ARHGEF10: variants seen among roughly 807,000 people sequenced by gnomAD.
ARHGEF10 encodes Rho guanine nucleotide exchange factor (GEF) 10.
In ARHGEF10, 140 loss-of-function variants were observed where a neutral mutation model predicts 147.4. That is an observed-to-expected ratio of 0.95 (90% CI 0.83 to 1.09). The LOEUF (loss-of-function observed/expected upper bound fraction) is 1.09, where lower values mean the gene tolerates loss of function less well. Among genes scored for constraint, ARHGEF10 ranks in the 50% least tolerant of loss-of-function variants. The pLI, the probability that ARHGEF10 is intolerant of heterozygous loss-of-function variation, is 0.00. For synonymous variants in ARHGEF10, 902 were observed against 695.8 expected (o/e 1.30, Z -4.67); for missense variants, 2,222 against 1,752.7 (o/e 1.27, Z -4.78).
Position 1,859,880 on chromosome 8 carries a change from C to T in ARHGEF10, c.194-17C>T, listed in dbSNP as rs778907303. 2.5e-6 allele frequency: 4 copies of T among 1,613,732 alleles called. No homozygotes were observed. In the African/African-American group the frequency reaches 4.0e-5, roughly 16 times the overall value. On this transcript the variant is annotated splice_polypyrimidine_tract_variant and intron_variant, in intron 3 of 28. Transcript: ENST00000349830. ...CTTGGTGATGTGTCTGCTGACAAGTCCTTTCTGCATCCCCAGGAGGTGAGG... is the reference window on the plus strand; with the variant it reads ...CTTGGTGATGTGTCTGCTGACAAGTTCTTTCTGCATCCCCAGGAGGTGAGG...
At chr8:1,941,736 C>G (rs531292958) in intron 26 of ARHGEF10, among the ~76,000 whole-genome samples, 2 of 152,232 alleles carry the variant, frequency 1.3e-5, no homozygotes, top group African/African-American at 2.4e-5. Flanking sequence ...GTAAGCAAGA[C>G]AGCATGGTGC....
intron 2 of ARHGEF10, among the ~76,000 whole-genome samples, chr8:1,847,412 C>G (rs987852006): frequency 6.6e-6 from 1 of 152,180 alleles, no homozygotes; most frequent in Non-Finnish European, 1.5e-5. Context: ...CAGCTAAAGC[C>G]TTTCTCTAAT....
rs552130198 is a variant in ARHGEF10, at chr8:1,937,266, G to A, written c.3222+3324G>A. Among the ~76,000 whole-genome samples the A allele has an allele frequency of 3.3e-5, 5 of 152,272 alleles. No homozygotes were observed. The South Asian group carries it at 6.2e-4, about 19-fold the overall frequency. ...TGGGGAGCCAGGGATTAGCTAGTGC[G>A]GCCATGCAGGGTAGCCCCGTGGATG... On this transcript the variant is annotated intron_variant, in intron 26 of 28. Transcript: ENST00000349830. This position sits in a 1 kb window ranked among gnomAD's most constrained non-coding sequence, Gnocchi z 4.9.
At chr8:1,867,513 C>G (rs907608897) in intron 6 of ARHGEF10, among the ~76,000 whole-genome samples, 5 of 152,256 alleles carry the variant, frequency 3.3e-5, no homozygotes, top group East Asian at 1.9e-4. Context: ...AGGATTATGT[C>G]CCGTCTCTGT....
chr8:1,889,234 G>GATACTTAGTGGTGTGAGGGTTGT (rs1809158352), intron 11 of ARHGEF10, among the ~76,000 whole-genome samples: 1 of 116,142 alleles, frequency 8.6e-6, no homozygotes, highest in Non-Finnish European at 1.8e-5. Context: ...AGGGTTGTGA[G>GATACTTAGTGGTGTGAGGGTTGT]GAGACATTGA....
chr8:1,903,641 C>T, intron 16 of ARHGEF10, 190 bp downstream of exon 16: 1 of 680,354 alleles, frequency 1.5e-6, no homozygotes, highest in Non-Finnish European at 2.5e-6. Flanking sequence ...AAAACCTTAA[C>T]AGCCTGTCTT....
rs1808307558 is a variant in ARHGEF10, at chr8:1,882,657, C to T, written c.983C>T (p.Ala328Val). Residue 328 changes from alanine to valine, a missense_variant, in exon 10 of 29, where the codon GCG becomes GTG. Coordinates refer to ENST00000349830, the MANE Select transcript of ARHGEF10 (RefSeq NM_014629.4). ...ELKMQKLVKA[A>V]KDGTKDGLER... ...CAGATGCAGAAGCTCGTGAAGGCCG[C>T]GAAGGACGGCACCAAGGACGGGCTG... 4.5e-6 allele frequency: 7 copies of T among 1,554,594 alleles called. No individual in the cohort carries two copies. The highest frequency in any genetic ancestry group is 2.7e-5 in the African/African-American group (2 of 73,386).
intron 27 of ARHGEF10, among the ~76,000 whole-genome samples, chr8:1,950,734 T>G (rs1814970910): frequency 1.7e-5 from 1 of 60,514 alleles, no homozygotes; most frequent in African/African-American, 6.7e-5. Context: ...TTTTAGGTTT[T>G]TTTTTTTTTT....
rs58567079 is a variant in ARHGEF10, at chr8:1,860,282, G to A, written c.481+98G>A. The A allele has an allele frequency of 1.3e-5, 19 of 1,458,918 alleles. 1 individual carries two copies. Among genetic ancestry groups the A allele is most frequent in the Admixed American group, 1.8e-5 (1 of 54,524 alleles). 90.4% of individuals were successfully genotyped at this position (1,458,918 alleles called of 1,614,324 possible). A position where few individuals can be genotyped will look rare whatever the true frequency, so the allele number is the denominator to read the frequency against. On this transcript the variant is annotated intron_variant, in intron 4 of 28. Transcript: ENST00000349830. ...TGTGGTTCCCTCCTCTGCATGCCCC[G>A]GATGTGGCCTGTGGTTCCGTAGAGT...
At chr8:1,890,938 T>G (rs1196372767) in intron 11 of ARHGEF10, among the ~76,000 whole-genome samples, 1 of 152,220 alleles carries the variant, frequency 6.6e-6, no homozygotes, top group Admixed American at 6.5e-5. Context: ...CAAATTAGTC[T>G]CACAGACCTG....
At chr8:1,843,740 C>T (rs962170902) in intron 2 of ARHGEF10, among the ~76,000 whole-genome samples, 2 of 152,166 alleles carry the variant, frequency 1.3e-5, no homozygotes, top group Admixed American at 6.5e-5. Context: ...GGAGATGGAG[C>T]GGGAGGGTTG....
intron 4 of ARHGEF10, among the ~76,000 whole-genome samples, chr8:1,862,333 G>C (rs1806199421): frequency 2.0e-5 from 3 of 152,280 alleles, no homozygotes; most frequent in Admixed American, 2.0e-4. Flanking sequence ...GGAGCTCCCA[G>C]CTGGCCAAAC....
In ARHGEF10 at chr8:1,905,885, A is replaced by G. The variant is rs74361513; in HGVS notation, c.1967+169A>G. ...CTTATAATAAGCAAGCTTATTTTTA[A>G]ATAGATTCAGTGTAAGTCACCAAGT... On this transcript the variant is annotated intron_variant, in intron 17 of 28. Coordinates refer to ENST00000349830, the MANE Select transcript of ARHGEF10 (RefSeq NM_014629.4). 5.9e-5 allele frequency among the ~76,000 whole-genome samples: 9 copies of G among 152,294 alleles called. No homozygotes were observed. The East Asian group carries it at 1.5e-3, about 26-fold the overall frequency.
chr8:1,894,405 C>T lies in ARHGEF10; in HGVS notation c.1273C>T (p.Pro425Ser), dbSNP rs1423164215. ...CATTTTGTCTTAGCAATATGAGAAG[C>T]CGCTGTCTGAGATGGAGCCAAAGGT... ...LKRILEQYEK[P>S]LSEMEPKVLS... Residue 425 changes from proline to serine, a missense_variant, in exon 13 of 29, where the codon CCG becomes TCG. Coordinates refer to ENST00000349830, the MANE Select transcript of ARHGEF10 (RefSeq NM_014629.4). 3 of 1,614,126 alleles carry T rather than the reference C, an allele frequency of 1.9e-6. No homozygotes were observed. The highest frequency in any genetic ancestry group is 1.3e-5 in the African/African-American group (1 of 75,026).
At chr8:1,897,600 G>A (rs1479875953) in intron 14 of ARHGEF10, among the ~76,000 whole-genome samples, 2 of 151,388 alleles carry the variant, frequency 1.3e-5, no homozygotes, top group Non-Finnish European at 2.9e-5. Flanking sequence ...TCCCACTCTC[G>A]ACAGTTGTGG....
Position 1,870,216 on chromosome 8 carries a change from G to A in ARHGEF10, c.679+966G>A, listed in dbSNP as rs557252620. On this transcript the variant is annotated intron_variant, in intron 7 of 28. Transcript: ENST00000349830. ...GTTCTGAAGTCGGCATTTTTCAGGG[G>A]GAGGATCTTGTTACCGATTTTTTTT... 4.0e-5 allele frequency: 6 copies of A among 149,406 alleles called. No homozygotes were observed. The South Asian group carries it at 1.3e-3, about 32-fold the overall frequency. The allele number at this position is 149,406 out of a possible 1,614,324, so 9.3% of individuals were successfully genotyped here.
At chr8:1,899,600 C>T (rs1203845160) in intron 15 of ARHGEF10, among the ~76,000 whole-genome samples, 2 of 152,160 alleles carry the variant, frequency 1.3e-5, no homozygotes, top group African/African-American at 4.8e-5. Context: ...GACATGGGCT[C>T]TTTCCATGGT....
intron 11 of ARHGEF10, among the ~76,000 whole-genome samples, chr8:1,887,847 AG>A (rs1426302966): frequency 2.8e-5 from 4 of 143,474 alleles, no homozygotes; most frequent in Non-Finnish European, 4.5e-5. Context: ...GGAGACACTG[AG>A]TGGGATGTGA....
chr8:1,931,050 C>A (rs1023606693), intron 25 of ARHGEF10, among the ~76,000 whole-genome samples: 1 of 152,238 alleles, frequency 6.6e-6, no homozygotes, highest in Non-Finnish European at 1.5e-5. Context: ...CGGGGTTGGG[C>A]TCTCCCATTC....
Sources: allele counts gnomAD v4.1 joint callset (sites outside exome capture counted in the v4.1 genomes callset), GRCh38; gene constraint gnomAD v4.1.1; non-coding constraint Gnocchi (gnomAD v3.1); transcripts MANE v1.5; gene names NCBI Gene and HGNC (gene_info 2026-07-23, HGNC 2026-07-21).